RHEB: variants seen among roughly 807,000 people sequenced by gnomAD.
RHEB encodes Ras homolog, mTORC1 binding.
In RHEB, 2 loss-of-function variants were observed where a neutral mutation model predicts 28.8. The ratio of observed to expected loss-of-function variants is 0.07; its 90% CI spans 0.03 to 0.22. The LOEUF is 0.22. RHEB is among the 10% of genes least tolerant of loss of function. The pLI is 1.00. For missense variants in RHEB, 76 were observed against 219.9 expected, an observed-to-expected ratio of 0.35 and a Z score of 4.14; for synonymous variants, 69 against 77.3, an observed-to-expected ratio of 0.89 and a Z score of 0.56.
chr7:151,508,822 C>T (rs1712540439), intron 1 of RHEB, among the ~76,000 whole-genome samples: 1 of 151,724 alleles, frequency 6.6e-6, no homozygotes, highest in East Asian at 1.9e-4. Flanking sequence ...CTGCTCTGTA[C>T]CCTTGTTTAA....
intron 1 of RHEB, among the ~76,000 whole-genome samples, chr7:151,495,148 AGGT>A (rs1228374133): frequency 6.6e-6 from 1 of 152,208 alleles, no homozygotes; most frequent in Non-Finnish European, 1.5e-5. Context: ...TAGCAAATTC[AGGT>A]CTGGAAACAC....
chr7:151,470,531 T>G (rs1425351963), intron 7 of RHEB, 40 bp downstream of exon 7: 189 of 1,374,558 alleles, frequency 1.4e-4, no homozygotes, highest in Non-Finnish European at 1.8e-4. Context: ...CTGCGACTGA[T>G]GAGAACGCAA....
chr7:151,519,655 G>C lies in RHEB; in HGVS notation c.-144C>G, dbSNP rs1245592526. The C allele has an allele frequency of 3.1e-6, 2 of 640,788 alleles. No individual in the cohort carries two copies. The highest frequency in any genetic ancestry group is 4.5e-6 in the Non-Finnish European group (2 of 444,930). The allele number at this position is 640,788 out of a possible 1,614,324, so 39.7% of individuals were successfully genotyped here. On this transcript the variant is annotated 5_prime_UTR_variant, in exon 1 of 8. Coordinates refer to ENST00000262187, the MANE Select transcript of RHEB (RefSeq NM_005614.4). ...GGGCGCGGCTGCCTCTCGCTCGCTA[G>C]CTCGCGCGCTCCCAACCGCCCGGAA...
intron 1 of RHEB, among the ~76,000 whole-genome samples, chr7:151,500,676 C>T (rs2150933920): frequency 6.6e-6 from 1 of 152,188 alleles, no homozygotes; most frequent in Non-Finnish European, 1.5e-5. Context: ...AGACCAGTCT[C>T]TACAAAAAAT....
At chr7:151,496,591 A>C (rs575675200) in intron 1 of RHEB, among the ~76,000 whole-genome samples, 1 of 152,284 alleles carries the variant, frequency 6.6e-6, no homozygotes, top group East Asian at 1.9e-4. Flanking sequence ...GTTTCTTACT[A>C]AGGTGGCTAC....
intron 1 of RHEB, chr7:151,502,466 G>GTAAA (rs1018904652): frequency 1.2e-6 from 1 of 858,808 alleles, no homozygotes; most frequent in African/African-American, 1.6e-5. Context: ...TGGTCTGGTT[G>GTAAA]TTTACTGTGG....
intron 1 of RHEB, chr7:151,519,240 G>C (rs1287058825): frequency 4.8e-6 from 1 of 210,136 alleles, no homozygotes; most frequent in Non-Finnish European, 9.1e-6. Context: ...CTGCCCGCCC[G>C]GCCCGCGGAG....
At chr7:151,499,844 G>A (rs774805970) in intron 1 of RHEB, among the ~76,000 whole-genome samples, 5 of 152,134 alleles carry the variant, frequency 3.3e-5, no homozygotes, top group African/African-American at 7.2e-5. Context: ...GGTCTCCCTC[G>A]GTTGCCCAGG....
intron 1 of RHEB, chr7:151,518,047 T>C (rs73729825): frequency 6.6e-6 from 1 of 152,146 alleles, no homozygotes; most frequent in African/African-American, 2.4e-5. Flanking sequence ...ATTTGAACAA[T>C]TAGTGACTTT....
At position 151,467,231 on chromosome 7, in the gene RHEB, C is replaced by T; in HGVS notation, c.463-20G>A. The T allele has an allele frequency of 6.4e-7, 1 of 1,564,664 alleles. No homozygotes were observed. The highest frequency in any genetic ancestry group is 8.8e-7 in the Non-Finnish European group (1 of 1,135,018). Reference sequence around the variant, plus strand: ...AGCAGTCTGAAAAGAGAAAGAAACCCAATCACAGTGTTAGTGTGAAGCCGA... The same window carrying T: ...AGCAGTCTGAAAAGAGAAAGAAACCTAATCACAGTGTTAGTGTGAAGCCGA... On this transcript the variant is annotated intron_variant, in intron 7 of 7. Coordinates refer to ENST00000262187, the MANE Select transcript of RHEB (RefSeq NM_005614.4).
At chr7:151,471,287 C>A in intron 6 of RHEB, 107 bp downstream of exon 6, 1 of 802,650 alleles carries the variant, frequency 1.2e-6, no homozygotes, top group Non-Finnish European at 2.1e-6. Context: ...CACCTCTGAA[C>A]GGATAAAAAT....
intron 6 of RHEB, among the ~76,000 whole-genome samples, 199 bp from the exon 7 acceptor site, chr7:151,470,851 T>G (rs1483037247): frequency 6.6e-6 from 1 of 152,214 alleles, no homozygotes; most frequent in African/African-American, 2.4e-5. Flanking sequence ...GAATAGACAT[T>G]GCTTTATGGG....
At chr7:151,478,141 G>A (rs1171817804) in intron 3 of RHEB, among the ~76,000 whole-genome samples, 2 of 152,138 alleles carry the variant, frequency 1.3e-5, no homozygotes, top group African/African-American at 4.8e-5. Flanking sequence ...ACGTATTAAA[G>A]CATACAGAAA....
chr7:151,471,058 T>C (rs1802153611), intron 6 of RHEB, among the ~76,000 whole-genome samples: 1 of 152,272 alleles, frequency 6.6e-6, no homozygotes, highest in African/African-American at 2.4e-5. Context: ...TGAAGCTGCC[T>C]GGGCAGGGGA....
intron 1 of RHEB, among the ~76,000 whole-genome samples, chr7:151,506,837 G>A (rs995760926): frequency 6.6e-6 from 1 of 152,104 alleles, no homozygotes; most frequent in Admixed American, 6.5e-5. Flanking sequence ...CTCTTTGGGG[G>A]GCCTTTATCT....
chr7:151,485,276 C>T (rs1048855052), intron 2 of RHEB, among the ~76,000 whole-genome samples: 3 of 152,186 alleles, frequency 2.0e-5, no homozygotes, highest in Admixed American at 2.0e-4. Context: ...GTTTTACTGA[C>T]GGATAAAACA....
At chr7:151,477,163 C>T (rs1168678445) in intron 4 of RHEB, among the ~76,000 whole-genome samples, 170 bp downstream of exon 4, 2 of 152,046 alleles carry the variant, frequency 1.3e-5, no homozygotes, top group East Asian at 3.9e-4. Flanking sequence ...AACAGAACAT[C>T]TAGTGGGCCA....
chr7:151,509,040 T>C (rs967453909), intron 1 of RHEB, among the ~76,000 whole-genome samples: 5 of 152,218 alleles, frequency 3.3e-5, no homozygotes, highest in African/African-American at 9.6e-5. Context: ...AGCACTCTTA[T>C]GCAGAATGAA....
chr7:151,515,150 G>A (rs1435637942), intron 1 of RHEB, among the ~76,000 whole-genome samples: 2 of 151,418 alleles, frequency 1.3e-5, no homozygotes, highest in African/African-American at 2.4e-5. Flanking sequence ...TCACATGACA[G>A]AATATTAGTC....
Sources: allele counts gnomAD v4.1 joint callset (sites outside exome capture counted in the v4.1 genomes callset), GRCh38; gene constraint gnomAD v4.1.1; transcripts MANE v1.5; gene names NCBI Gene and HGNC (gene_info 2026-07-23, HGNC 2026-07-21).